Variants in XXYLT1 observed in about 807,000 individuals in gnomAD.
XXYLT1 encodes the protein UDP-xylose:alpha-xyloside alpha-1,3-xylosyltransferase.
In XXYLT1, 20 loss-of-function variants were observed where a neutral mutation model predicts 28.9. The observed-to-expected ratio is 0.69, with a 90% CI of 0.49 to 1.00. XXYLT1 has a LOEUF of 1.00. Ranked by LOEUF, XXYLT1 falls within the 50% of genes least tolerant of loss-of-function variation. XXYLT1 has a pLI of 0.00. For missense variants in XXYLT1, 542 were observed against 560.1 expected (o/e 0.97, Z 0.33); for synonymous variants, 257 against 253.8 (o/e 1.01, Z -0.12).
At chr3:195,123,310 A>G (rs951781959) in intron 3 of XXYLT1, among the ~76,000 whole-genome samples, 6 of 151,982 alleles carry the variant, frequency 3.9e-5, no homozygotes, top group African/African-American at 1.4e-4. Context: ...AAACCCCGCC[A>G]TCAGCATCCA....
rs986929268 is a variant in XXYLT1 at position 195,076,411 on chromosome 3, C to T, written c.786-6300G>A. Among the ~76,000 whole-genome samples, 1 of 152,094 alleles carries T rather than the reference C, an allele frequency of 6.6e-6. No homozygotes were observed. Among genetic ancestry groups the T allele is most frequent in the Non-Finnish European group, 1.5e-5 (1 of 68,026 alleles). On this transcript the variant is annotated intron_variant, in intron 3 of 3. Coordinates refer to ENST00000310380, the MANE Select transcript of XXYLT1 (RefSeq NM_152531.5). The surrounding 1 kb of genome is among the most constrained non-coding windows in gnomAD (Gnocchi z 5.3). ...CTGAGTCGTTTTGAATTATGTCACG[C>T]AGGGGCCTTCGGTGGGAGGAGGGAC...
At chr3:195,200,963 G>A (rs1560148869) in intron 2 of XXYLT1, among the ~76,000 whole-genome samples, 1 of 151,966 alleles carries the variant, frequency 6.6e-6, no homozygotes, top group Non-Finnish European at 1.5e-5. Context: ...AGTTACCCAG[G>A]GTGATTTTCT....
chr3:195,104,215 G>A lies in XXYLT1; in HGVS notation c.786-34104C>T, dbSNP rs879582076. ...GAGGGCTCCGTGTGTGTGTGTGTGT[G>A]TGTGTGTGTGTGTGTGTGTGTGTGT... On this transcript the variant is annotated intron_variant, in intron 3 of 3. Coordinates refer to ENST00000310380, the MANE Select transcript of XXYLT1 (RefSeq NM_152531.5). Among the ~76,000 whole-genome samples, 426 of 43,784 alleles carry A rather than the reference G, an allele frequency of 9.7e-3. 6 individuals carry two copies. The highest frequency in any genetic ancestry group is 0.068 in the Admixed American group (255 of 3,730). 28.7% of individuals were successfully genotyped at this position (43,784 alleles called of 152,430 possible).
intron 2 of XXYLT1, among the ~76,000 whole-genome samples, chr3:195,225,109 A>T (rs1723992588): frequency 6.6e-6 from 1 of 152,178 alleles, no homozygotes; most frequent in Non-Finnish European, 1.5e-5. Context: ...CAGGTCTTGC[A>T]ACTCCTCAGC....
Position 195,115,685 on chromosome 3 carries a change from C to T in XXYLT1, c.785+40764G>A, listed in dbSNP as rs1017264130. Among the ~76,000 whole-genome samples the T allele has an allele frequency of 1.3e-5, 2 of 152,212 alleles. No individual in the cohort carries two copies. The highest frequency in any genetic ancestry group is 2.4e-5 in the African/African-American group (1 of 41,448). ...GAGCAGTAACCCCCTCGTCTGGCTCCGGCAGCACACCGTGTGCGCTCTCAC... is the reference window on the plus strand; with the variant it reads ...GAGCAGTAACCCCCTCGTCTGGCTCTGGCAGCACACCGTGTGCGCTCTCAC... On this transcript the variant is annotated intron_variant, in intron 3 of 3. Coordinates refer to ENST00000310380, the MANE Select transcript of XXYLT1 (RefSeq NM_152531.5). The surrounding 1 kb of genome is among the most constrained non-coding windows in gnomAD (Gnocchi z 4.2).
rs142518072 is a variant in XXYLT1, at chr3:195,071,748, G to A, written c.786-1637C>T. 7.9e-5 allele frequency among the ~76,000 whole-genome samples: 12 copies of A among 152,262 alleles called. No individual in the cohort carries two copies. In the East Asian group the frequency reaches 2.3e-3, roughly 29 times the overall value. ...ATTTCTTCCCAGTGGTTCATTTCAG[G>A]ACCAGGTTATAAAGCAGCTAAAATT... On this transcript the variant is annotated intron_variant, in intron 3 of 3. Transcript: ENST00000310380.
intron 1 of XXYLT1, among the ~76,000 whole-genome samples, chr3:195,262,020 A>G (rs1161696866): frequency 6.6e-6 from 1 of 152,280 alleles, no homozygotes; most frequent in East Asian, 1.9e-4. Flanking sequence ...GTGACAACAT[A>G]TGTCCACACA....
At chr3:195,101,715 A>G (rs887383326) in intron 3 of XXYLT1, among the ~76,000 whole-genome samples, 1 of 150,230 alleles carries the variant, frequency 6.7e-6, no homozygotes, top group African/African-American at 2.5e-5. Context: ...TATCCTAGCT[A>G]CCTGGGAGGC....
intron 3 of XXYLT1, among the ~76,000 whole-genome samples, chr3:195,126,175 C>T (rs796690897): frequency 6.6e-6 from 1 of 152,216 alleles, no homozygotes; most frequent in South Asian, 2.1e-4. Flanking sequence ...CCCTAACACA[C>T]AGGTGAGGTC....
At chr3:195,074,322 G>T (rs866966180) in intron 3 of XXYLT1, among the ~76,000 whole-genome samples, 38 of 152,324 alleles carry the variant, frequency 2.5e-4, no homozygotes, top group Middle Eastern at 3.4e-3. Context: ...CGTACCTCTG[G>T]GGCGTCCTTC....
At chr3:195,132,717 G>A (rs1277200812) in intron 3 of XXYLT1, among the ~76,000 whole-genome samples, 1 of 152,198 alleles carries the variant, frequency 6.6e-6, no homozygotes, top group Non-Finnish European at 1.5e-5. Flanking sequence ...TTTATTCTCG[G>A]CTTACTTGGA....
chr3:195,099,708 G>A (rs1346795877), intron 3 of XXYLT1, among the ~76,000 whole-genome samples: 1 of 151,972 alleles, frequency 6.6e-6, no homozygotes, highest in Non-Finnish European at 1.5e-5. Context: ...GTGGGCACCT[G>A]CAGTCCCAGC....
At chr3:195,123,066 T>C (rs867664031) in intron 3 of XXYLT1, among the ~76,000 whole-genome samples, 20 of 152,280 alleles carry the variant, frequency 1.3e-4, no homozygotes, top group Middle Eastern at 3.4e-3. Flanking sequence ...ATGTTCCCAT[T>C]CGGCAATGTC....
chr3:195,123,190 A>AAAAAAAAAC lies in XXYLT1; in HGVS notation c.785+33258_785+33259insGTTTTTTTT, dbSNP rs1055859949. 7.9e-5 allele frequency among the ~76,000 whole-genome samples: 12 copies of AAAAAAAAAC among 152,058 alleles called. 1 individual carries two copies. The highest frequency in any genetic ancestry group is 2.9e-4 in the African/African-American group (12 of 41,412). The stretch of plus-strand genomic sequence containing the variant: ...AAGCCTCTAATTTACCAAAAAAAAA[A>AAAAAAAAAC]ACCCTACATTTTTTTCCTGAATGGC... On this transcript the variant is annotated intron_variant, in intron 3 of 3. Coordinates refer to ENST00000310380, the MANE Select transcript of XXYLT1 (RefSeq NM_152531.5).
At chr3:195,175,548 AG>A in intron 2 of XXYLT1, 1 of 1,529,360 alleles carries the variant, frequency 6.5e-7, no homozygotes, top group Non-Finnish European at 8.8e-7. Flanking sequence ...GGAGATTCCT[AG>A]GGGTAGTTAG....
In XXYLT1 at chr3:195,163,604, G is replaced by T. The variant is rs955345185; in HGVS notation, c.653-7023C>A. 7.2e-5 allele frequency among the ~76,000 whole-genome samples: 11 copies of T among 152,168 alleles called. 1 individual carries two copies. The highest frequency in any genetic ancestry group is 1.3e-4 in the Non-Finnish European group (9 of 68,032). ...AAAACTCCTTCCCATGCTTTAACTC[G>T]TTTGATCCTTACAGCAACCCTAGGG... On this transcript the variant is annotated intron_variant, in intron 2 of 3. Transcript: ENST00000310380.
rs749559546 is a variant in XXYLT1 at position 195,268,658 on chromosome 3, CA to C, written c.504+1896del. Among the ~76,000 whole-genome samples, 5 of 151,920 alleles carry C rather than the reference CA, an allele frequency of 3.3e-5. No homozygotes were observed. The East Asian group carries it at 9.7e-4, about 29-fold the overall frequency. The stretch of plus-strand genomic sequence containing the variant: ...ATGCCAGGACTGATAACCCCTTATC[CA>C]ATCACTGACATCTGGCTAGAAGTCC... On this transcript the variant is annotated intron_variant, in intron 1 of 3. Transcript: ENST00000310380.
chr3:195,143,799 TAGA>T (rs1719625325), intron 3 of XXYLT1, among the ~76,000 whole-genome samples: 3 of 102,490 alleles, frequency 2.9e-5, no homozygotes, highest in African/African-American at 7.6e-5. Flanking sequence ...TATATATATA[TAGA>T]TAGATATATA....
chr3:195,134,670 G>A (rs1719074301), intron 3 of XXYLT1: 1 of 155,980 alleles, frequency 6.4e-6, no homozygotes, highest in Non-Finnish European at 1.5e-5. Flanking sequence ...GGGACTCGGA[G>A]AAAGCTACAA....
Sources: gnomAD v4.1 joint callset for allele counts (sites outside exome capture counted in the v4.1 genomes callset) on GRCh38, gnomAD v4.1.1 for gene constraint, Gnocchi (gnomAD v3.1) non-coding constraint, MANE v1.5 for transcripts, NCBI Gene and HGNC (gene_info 2026-07-23, HGNC 2026-07-21) for gene names.